Variants in PCDHGB4 observed in about 807,000 individuals in gnomAD.
The protein encoded by PCDHGB4 is protocadherin gamma subfamily B, 4.
In PCDHGB4, 38 loss-of-function variants were observed where a neutral mutation model predicts 60.5. The observed-to-expected ratio is 0.63, with a 90% confidence interval of 0.48 to 0.82. The LOEUF is 0.82. PCDHGB4 is among the 40% of genes least tolerant of loss of function. The probability of loss-of-function intolerance (pLI) is 0.00; values close to 1 mark genes in which losing one functional copy is unlikely to be tolerated. For missense variants in PCDHGB4, 1,109 were observed against 1,209.6 expected (o/e 0.92, Z 1.23); for synonymous variants, 456 against 509.7 (o/e 0.89, Z 1.42).
intron 1 of PCDHGB4, chr5:141,421,232 C>T (rs748347420): frequency 2.5e-6 from 4 of 1,590,252 alleles, no homozygotes; most frequent in African/African-American, 2.7e-5. Flanking sequence ...CCTGCCATGG[C>T]GAATCGGCTA....
chr5:141,486,561 T>C lies in PCDHGB4; in HGVS notation c.2398-8246T>C. ...TTCTTTCAGAGGTCACATGAGGTGT[T>C]TGTTCCTGAGAACAATCGCCCAGGG... On this transcript the variant is annotated intron_variant, in intron 1 of 3. Transcript: ENST00000519479. This position sits in a 1 kb window ranked among gnomAD's most constrained non-coding sequence, Gnocchi z 5.0. 6.2e-7 allele frequency: 1 copy of C among 1,614,076 alleles called. No individual in the cohort carries two copies. Among genetic ancestry groups the C allele is most frequent in the Non-Finnish European group, 8.5e-7 (1 of 1,180,030 alleles).
At position 141,486,045 on chromosome 5, in the gene PCDHGB4, A is replaced by G. The variant is rs2099623524; in HGVS notation, c.2398-8762A>G. The G allele has an allele frequency of 4.3e-6, 7 of 1,613,428 alleles. No individual in the cohort carries two copies. The highest frequency in any genetic ancestry group is 5.1e-6 in the Non-Finnish European group (6 of 1,179,858). ...GGTCATACCCCTGATCGTGTAAGAA[A>G]CCTCTTTAGCCTGCACCCCACTACT... On this transcript the variant is annotated intron_variant, in intron 1 of 3. Coordinates refer to ENST00000519479, the MANE Select transcript of PCDHGB4 (RefSeq NM_003736.4). This position sits in a 1 kb window ranked among gnomAD's most constrained non-coding sequence, Gnocchi z 5.0.
At chr5:141,399,720 C>G (rs1217371004) in intron 1 of PCDHGB4, 2 of 1,613,306 alleles carry the variant, frequency 1.2e-6, no homozygotes, top group South Asian at 2.2e-5. Context: ...TACAGGCCCG[C>G]GACCAGGGCT....
intron 1 of PCDHGB4, among the ~76,000 whole-genome samples, chr5:141,483,393 C>T (rs1475344614): frequency 6.6e-6 from 1 of 152,080 alleles, no homozygotes; most frequent in Admixed American, 6.5e-5. Flanking sequence ...TTGATAAATG[C>T]TTGAACCAGC....
At chr5:141,495,841 G>A (rs1187067340) in intron 2 of PCDHGB4, among the ~76,000 whole-genome samples, 1 of 151,864 alleles carries the variant, frequency 6.6e-6, no homozygotes, top group Non-Finnish European at 1.5e-5. Context: ...CAGCCTCTAT[G>A]TTTCTCTGTC....
intron 1 of PCDHGB4, among the ~76,000 whole-genome samples, chr5:141,451,826 A>G (rs2098725686): frequency 6.6e-6 from 1 of 151,720 alleles, no homozygotes; most frequent in Non-Finnish European, 1.5e-5. Context: ...GGTTACAGTG[A>G]GCCGAGATCA....
chr5:141,432,663 G>A lies in PCDHGB4; in HGVS notation c.2397+42382G>A. ...CGCACGGCGCGAGCCCTGCTGGACA[G>A]AGACGCGCTCAAGCAGAGCCTCGTA... On this transcript the variant is annotated intron_variant, in intron 1 of 3. Coordinates refer to ENST00000519479, the MANE Select transcript of PCDHGB4 (RefSeq NM_003736.4). This position sits in a 1 kb window ranked among gnomAD's most constrained non-coding sequence, Gnocchi z 6.0. 1 of 1,613,886 alleles carries A rather than the reference G, an allele frequency of 6.2e-7. No individual in the cohort carries two copies. Among genetic ancestry groups the A allele is most frequent in the Non-Finnish European group, 8.5e-7 (1 of 1,179,952 alleles).
rs1225025591 is a variant in PCDHGB4 at position 141,493,316 on chromosome 5, T to G, written c.2398-1491T>G. Among the ~76,000 whole-genome samples, 2 of 152,198 alleles carry G rather than the reference T, an allele frequency of 1.3e-5. No homozygotes were observed. The highest frequency in any genetic ancestry group is 2.1e-4 in the South Asian group (1 of 4,826). Reference sequence around the variant, plus strand: ...AGTTCACAGAGCAAGTAAGAGAGATTCTAACCCCTGTCTAACTCCAGAATG... The same window carrying G: ...AGTTCACAGAGCAAGTAAGAGAGATGCTAACCCCTGTCTAACTCCAGAATG... On this transcript the variant is annotated intron_variant, in intron 1 of 3. Coordinates refer to ENST00000519479, the MANE Select transcript of PCDHGB4 (RefSeq NM_003736.4). This position sits in a 1 kb window ranked among gnomAD's most constrained non-coding sequence, Gnocchi z 4.3.
At chr5:141,419,946 T>C in intron 1 of PCDHGB4, 1 of 1,614,086 alleles carries the variant, frequency 6.2e-7, no homozygotes, top group Non-Finnish European at 8.5e-7. Context: ...GTGGTGGCCT[T>C]GGCCTTGATT....
intron 1 of PCDHGB4, chr5:141,422,289 T>A: frequency 1.3e-6 from 2 of 1,553,678 alleles, no homozygotes; most frequent in Non-Finnish European, 1.7e-6. Context: ...CCTCTTCTAT[T>A]AATTCAATTC....
chr5:141,457,495 T>C (rs2098922394), intron 1 of PCDHGB4, among the ~76,000 whole-genome samples: 1 of 152,204 alleles, frequency 6.6e-6, no homozygotes, highest in Admixed American at 6.5e-5. Context: ...GTCTAAAATG[T>C]AGGCAAAAAG....
chr5:141,478,326 C>T, intron 1 of PCDHGB4: 1 of 1,613,950 alleles, frequency 6.2e-7, no homozygotes, highest in Admixed American at 1.7e-5. Flanking sequence ...CTGTACCGAA[C>T]ACCAGGGCCC....
chr5:141,503,825 CA>C (rs2154593417), intron 2 of PCDHGB4, among the ~76,000 whole-genome samples: 1 of 152,186 alleles, frequency 6.6e-6, no homozygotes, highest in Non-Finnish European at 1.5e-5. Flanking sequence ...TGGGCAAAAC[CA>C]AAAGCAGGGA....
intron 1 of PCDHGB4, among the ~76,000 whole-genome samples, chr5:141,453,692 C>G (rs1182118927): frequency 6.6e-6 from 1 of 152,146 alleles, no homozygotes; most frequent in African/African-American, 2.4e-5. Flanking sequence ...GTAGGTAGTC[C>G]TGGCTTTGAA....
chr5:141,404,681 C>T, intron 1 of PCDHGB4: 1 of 1,614,092 alleles, frequency 6.2e-7, no homozygotes, highest in Non-Finnish European at 8.5e-7. Context: ...TGGTGTGGAG[C>T]TGGCACCCCG....
chr5:141,436,118 T>C (rs188307595), intron 1 of PCDHGB4, among the ~76,000 whole-genome samples: 5 of 152,310 alleles, frequency 3.3e-5, no homozygotes, highest in Admixed American at 2.0e-4. Flanking sequence ...ATGAAACCTC[T>C]CTCCTCCATC....
intron 1 of PCDHGB4, among the ~76,000 whole-genome samples, chr5:141,438,764 C>A (rs963627140): frequency 6.7e-6 from 1 of 148,638 alleles, no homozygotes; most frequent in Non-Finnish European, 1.5e-5. Flanking sequence ...TGGGTTCAAG[C>A]GATTCTCCTG....
intron 1 of PCDHGB4, chr5:141,427,778 A>T: frequency 1.4e-6 from 2 of 1,436,676 alleles, no homozygotes; most frequent in Non-Finnish European, 1.9e-6. Context: ...AGCTGCGGGC[A>T]CTGTCGTCCT....
intron 1 of PCDHGB4, among the ~76,000 whole-genome samples, chr5:141,474,193 A>C (rs2099345142): frequency 6.6e-6 from 1 of 152,256 alleles, no homozygotes. Context: ...TACATTTTTA[A>C]AAGCTGATTT....
Sources: allele counts gnomAD v4.1 joint callset (sites outside exome capture counted in the v4.1 genomes callset), GRCh38; gene constraint gnomAD v4.1.1; non-coding constraint Gnocchi (gnomAD v3.1); transcripts MANE v1.5; gene names NCBI Gene and HGNC (gene_info 2026-07-23, HGNC 2026-07-21).